Variants in ARVCF observed in about 807,000 individuals in gnomAD.
ARVCF encodes the protein ARVCF delta catenin family member, also known as splicing regulator ARVCF.
In ARVCF, 66 loss-of-function variants were observed where a neutral mutation model predicts 90.9. The ratio of observed to expected loss-of-function variants is 0.73; its 90% CI spans 0.60 to 0.89. The LOEUF (loss-of-function observed/expected upper bound fraction) is 0.89, where lower values mean the gene tolerates loss of function less well. ARVCF is among the 40% of genes least tolerant of loss of function. The pLI is 0.00. For missense variants in ARVCF, 1,469 were observed against 1,382.3 expected (o/e 1.06, Z -1.00); for synonymous variants, 653 against 603.4 (o/e 1.08, Z -1.21).
intron 1 of ARVCF, among the ~76,000 whole-genome samples, chr22:20,014,329 G>A (rs1944946069): frequency 6.6e-6 from 1 of 150,694 alleles, no homozygotes; most frequent in Non-Finnish European, 1.5e-5. Flanking sequence ...TGAGTAGCTG[G>A]GACTACAGGC....
At chr22:20,015,999 C>T (rs1404918593) in intron 1 of ARVCF, among the ~76,000 whole-genome samples, 7 of 152,222 alleles carry the variant, frequency 4.6e-5, no homozygotes. Flanking sequence ...GACATGTCTC[C>T]GCACCGGCAC....
At chr22:19,971,397 G>C (rs187874117) in intron 18 of ARVCF, 62 bp from the exon 19 acceptor site, 2 of 1,511,080 alleles carry the variant, frequency 1.3e-6, no homozygotes, top group Admixed American at 2.1e-5. Flanking sequence ...CTCCTGGGGG[G>C]ACAGGGCAGG....
chr22:19,999,830 C>T (rs1452488345), intron 2 of ARVCF, among the ~76,000 whole-genome samples: 3 of 152,140 alleles, frequency 2.0e-5, no homozygotes, highest in South Asian at 2.1e-4. Context: ...GGAGACAGAA[C>T]CACCGGCACC....
chr22:20,006,876 T>C (rs1166913280), intron 2 of ARVCF, among the ~76,000 whole-genome samples: 1 of 151,790 alleles, frequency 6.6e-6, no homozygotes, highest in Admixed American at 6.5e-5. Context: ...GTGATCTGCC[T>C]GCCTCAGCCT....
At chr22:19,994,617 G>T (rs1944165206) in intron 2 of ARVCF, among the ~76,000 whole-genome samples, 1 of 100,326 alleles carries the variant, frequency 1.0e-5, no homozygotes, top group Non-Finnish European at 2.0e-5. Flanking sequence ...TGGATGGATG[G>T]GTGGGTGGGG....
At chr22:19,976,581 A>T in intron 10 of ARVCF, 125 bp downstream of exon 10, 1 of 1,312,748 alleles carries the variant, frequency 7.6e-7, no homozygotes, top group Non-Finnish European at 1.0e-6. Flanking sequence ...CCACTGTCAT[A>T]AAGATGGCAG....
At chr22:19,987,001 C>G in intron 3 of ARVCF, 1 of 640,116 alleles carries the variant, frequency 1.6e-6, no homozygotes, top group Non-Finnish European at 2.8e-6. Context: ...CGGGTCCTCC[C>G]GGGCAGGCCG....
chr22:20,000,606 A>G (rs1944410796), intron 2 of ARVCF, among the ~76,000 whole-genome samples: 1 of 152,176 alleles, frequency 6.6e-6, no homozygotes, highest in African/African-American at 2.4e-5. Flanking sequence ...CCTCAAAGGC[A>G]CCTACTGGCA....
rs777399203 is a variant in ARVCF, at chr22:19,980,231, T to C, written c.908A>G (p.Asp303Gly). 1 of 1,533,388 alleles carries C rather than the reference T, an allele frequency of 6.5e-7. No individual in the cohort carries two copies. The highest frequency in any genetic ancestry group is 8.8e-7 in the Non-Finnish European group (1 of 1,140,860). 95.0% of individuals were successfully genotyped at this position (1,533,388 alleles called of 1,614,324 possible). ...CAGCTCGCCGCCATCATCTGCTGTG[T>C]CCTCGTAGGCCCTGCACAGGCAAGT... ...GRGLHTRAYEDTADDGGELAD... is the reference protein window; with the variant it reads ...GRGLHTRAYEGTADDGGELAD... Residue 303 changes from aspartate (D) to glycine (G), a missense_variant, in exon 6 of 20, where the codon GAC becomes GGC. Physicochemically the swap from Asp to Gly is moderately conservative, Grantham distance 94. Transcript: ENST00000263207.
intron 2 of ARVCF, among the ~76,000 whole-genome samples, chr22:19,995,988 C>A (rs1015997281): frequency 3.9e-5 from 6 of 152,232 alleles, no homozygotes; most frequent in African/African-American, 1.4e-4. Flanking sequence ...CCCTAGCTGG[C>A]CAGGCCTTGT....
Position 19,987,207 on chromosome 22 carries a change from G to A in ARVCF, c.210+3378C>T. The A allele has an allele frequency of 7.7e-6, 3 of 389,314 alleles. 1 individual carries two copies. The highest frequency in any genetic ancestry group is 2.1e-5 in the African/African-American group (1 of 47,916). The allele number at this position is 389,314 out of a possible 1,614,324, so 24.1% of individuals were successfully genotyped here. On this transcript the variant is annotated intron_variant, in intron 3 of 19. Coordinates refer to ENST00000263207, the MANE Select transcript of ARVCF (RefSeq NM_001670.3). ...AGGCTCGGCGGACTCGCTCCCCGCGGGGGCGGATCTGGCGGCGGTCACGGC... is the reference window on the plus strand; with the variant it reads ...AGGCTCGGCGGACTCGCTCCCCGCGAGGGCGGATCTGGCGGCGGTCACGGC...
chr22:19,980,500 C>T lies in ARVCF; in HGVS notation c.897-258G>A, dbSNP rs574395984. ...CAACCCTCCCAGGACAGCAAACTCACTCACTGCTGTCACCGGGCAGTTTCC... is the reference window on the plus strand; with the variant it reads ...CAACCCTCCCAGGACAGCAAACTCATTCACTGCTGTCACCGGGCAGTTTCC... On this transcript the variant is annotated intron_variant, in intron 5 of 19. Transcript: ENST00000263207. The T allele has an allele frequency of 4.5e-5, 20 of 442,922 alleles. No homozygotes were observed. The Admixed American group carries it at 5.3e-4, about 12-fold the overall frequency. The allele number at this position is 442,922 out of a possible 1,614,324, so 27.4% of individuals were successfully genotyped here.
intron 5 of ARVCF, 96 bp from the exon 6 acceptor site, chr22:19,980,338 A>C: frequency 2.1e-6 from 3 of 1,427,610 alleles, no homozygotes; most frequent in Non-Finnish European, 1.8e-6. Flanking sequence ...CTGCAAACTC[A>C]CCCAGCAGCG....
At chr22:19,980,421 G>T in intron 5 of ARVCF, 179 bp from the exon 6 acceptor site, 1 of 977,204 alleles carries the variant, frequency 1.0e-6, no homozygotes, top group Non-Finnish European at 1.4e-6. Context: ...AGCCCAGTGA[G>T]AACCAATTCA....
At chr22:20,001,102 G>T (rs1053675839) in intron 2 of ARVCF, among the ~76,000 whole-genome samples, 4 of 152,104 alleles carry the variant, frequency 2.6e-5, no homozygotes, top group East Asian at 1.9e-4. Context: ...AGGCCCTTTG[G>T]GGGGTGGGGG....
At chr22:20,015,798 A>T (rs184904196) in intron 1 of ARVCF, among the ~76,000 whole-genome samples, 14 of 152,334 alleles carry the variant, frequency 9.2e-5, no homozygotes, top group African/African-American at 3.4e-4. Flanking sequence ...ATATGCCTGG[A>T]TGTAGGGAAA....
At chr22:19,988,543 T>C (rs368195683) in intron 3 of ARVCF, among the ~76,000 whole-genome samples, 1 of 152,168 alleles carries the variant, frequency 6.6e-6, no homozygotes, top group East Asian at 1.9e-4. Flanking sequence ...CCCTTCCTGC[T>C]GGAAGATGAA....
chr22:19,970,783 A>G (rs1384048531), intron 19 of ARVCF, 40 bp from the exon 20 acceptor site: 1 of 1,293,070 alleles, frequency 7.7e-7, no homozygotes, highest in Non-Finnish European at 1.0e-6. Flanking sequence ...GCAGCCACTG[A>G]GTGGCACAGG....
Position 19,977,471 on chromosome 22 carries a change from C to T in ARVCF, c.1814G>A (p.Gly605Asp), listed in dbSNP as rs779309671. 8 of 1,575,958 alleles carry T rather than the reference C, an allele frequency of 5.1e-6. No homozygotes were observed. In the Admixed American group the frequency reaches 1.3e-4, roughly 26 times the overall value. ...ATCATCCCGCCTCCGGCGCTGGGAG[C>T]CTACAGCACTGCCCAGGGGCCCGGG... is the stretch of plus-strand genomic sequence containing the variant. The part of the protein sequence containing the change: ...AEPGPLGSAV[G>D]SQRRRRDDAS... The change falls in exon 9 of 20, where the codon GGC becomes GAC. Residue 605 changes from glycine (G) to aspartate (D), a missense_variant. Coordinates refer to ENST00000263207, the MANE Select transcript of ARVCF (RefSeq NM_001670.3).
Sources: gnomAD v4.1 joint callset for allele counts (sites outside exome capture counted in the v4.1 genomes callset) on GRCh38, gnomAD v4.1.1 for gene constraint, MANE v1.5 for transcripts, NCBI Gene and HGNC (gene_info 2026-07-23, HGNC 2026-07-21) for gene names.